Variants in CNTNAP4 observed in about 807,000 individuals in gnomAD.
CNTNAP4 encodes the protein contactin-associated protein-like 4.
CNTNAP4 carries 98 observed loss-of-function variants against 148.4 expected under a neutral mutation model. The ratio of observed to expected loss-of-function variants is 0.66; its 90% CI spans 0.56 to 0.78. The LOEUF is 0.78. Among genes scored for constraint, CNTNAP4 ranks in the 30% least tolerant of loss-of-function variants. The pLI is 0.00. For missense variants in CNTNAP4, 1,935 were observed against 1,565.6 expected, an observed-to-expected ratio of 1.24 and a Z score of -3.98; for synonymous variants, 730 against 565.1, an observed-to-expected ratio of 1.29 and a Z score of -4.14.
chr16:76,340,723 C>T (rs970329862), intron 2 of CNTNAP4, among the ~76,000 whole-genome samples: 3 of 152,224 alleles, frequency 2.0e-5, no homozygotes, highest in Non-Finnish European at 2.9e-5. Context: ...TGCTCACTTT[C>T]GTGGCGTTTG....
intron 3 of CNTNAP4, among the ~76,000 whole-genome samples, chr16:76,384,356 A>G (rs1052397398): frequency 6.6e-6 from 1 of 152,084 alleles, no homozygotes; most frequent in Non-Finnish European, 1.5e-5. Context: ...TCCCAGTCTT[A>G]TACAATACAA....
chr16:76,412,547 G>C (rs1420019944), intron 3 of CNTNAP4, among the ~76,000 whole-genome samples: 1 of 151,228 alleles, frequency 6.6e-6, no homozygotes, highest in East Asian at 1.9e-4. Flanking sequence ...GATGTTTATT[G>C]TTACCCTCAT....
At chr16:76,514,572 C>T (rs1473271357) in intron 15 of CNTNAP4, among the ~76,000 whole-genome samples, 1 of 152,064 alleles carries the variant, frequency 6.6e-6, no homozygotes, top group Non-Finnish European at 1.5e-5. Flanking sequence ...ACTGTATGTG[C>T]ATGTGTGGGG....
intron 3 of CNTNAP4, among the ~76,000 whole-genome samples, chr16:76,410,090 G>A (rs1361202882): frequency 7.0e-6 from 1 of 142,718 alleles, no homozygotes; most frequent in Non-Finnish European, 1.6e-5. Context: ...TCTTTTAAGA[G>A]CCAGGATTGT....
intron 2 of CNTNAP4, among the ~76,000 whole-genome samples, chr16:76,330,490 T>G (rs903508264): frequency 6.6e-6 from 1 of 152,216 alleles, no homozygotes; most frequent in African/African-American, 2.4e-5. Context: ...TTGCCTATAC[T>G]GGTGTTTATG....
intron 17 of CNTNAP4, 109 bp from the exon 18 acceptor site, chr16:76,535,436 C>G: frequency 2.7e-6 from 3 of 1,093,334 alleles, no homozygotes; most frequent in South Asian, 3.5e-5. Flanking sequence ...ATTATATTTG[C>G]TCATCCATTT....
At chr16:76,374,331 G>A (rs778259641) in intron 3 of CNTNAP4, among the ~76,000 whole-genome samples, 7 of 152,156 alleles carry the variant, frequency 4.6e-5, no homozygotes, top group African/African-American at 7.2e-5. Flanking sequence ...TTTGTGGAAA[G>A]TTGCAGAAAA....
At chr16:76,364,281 A>T (rs976791179) in intron 3 of CNTNAP4, among the ~76,000 whole-genome samples, 2 of 149,556 alleles carry the variant, frequency 1.3e-5, no homozygotes, top group Non-Finnish European at 3.0e-5. Flanking sequence ...AAATATATGA[A>T]CTCTTATGAG....
chr16:76,448,222 C>G lies in CNTNAP4; in HGVS notation c.742+7C>G. On this transcript the variant is annotated splice_region_variant and intron_variant, in intron 5 of 23. Transcript: ENST00000611870. ...TTTTTACTTATTAATTCAGGTAAAA[C>G]TATTCGGTGAAGTGCTCAAAAATCT... 2 of 1,588,396 alleles carry G rather than the reference C, an allele frequency of 1.3e-6. No homozygotes were observed. The highest frequency in any genetic ancestry group is 1.7e-6 in the Non-Finnish European group (2 of 1,159,364).
At chr16:76,542,727 C>T (rs1015651226) in intron 21 of CNTNAP4, among the ~76,000 whole-genome samples, 1 of 152,160 alleles carries the variant, frequency 6.6e-6, no homozygotes, top group Non-Finnish European at 1.5e-5. Context: ...TGCCACATAA[C>T]TATTGTTATT....
At chr16:76,487,095 G>T (rs7202886) in intron 12 of CNTNAP4, among the ~76,000 whole-genome samples, 150,163 of 152,256 alleles carry the variant, frequency 0.99, 74,085 homozygotes, top group East Asian at 1. Context: ...TCAGGGCCCA[G>T]CACAGTTTCA....
At chr16:76,484,047 CT>C (rs909677139) in intron 12 of CNTNAP4, among the ~76,000 whole-genome samples, 12 of 151,322 alleles carry the variant, frequency 7.9e-5, no homozygotes, top group African/African-American at 2.4e-4. Flanking sequence ...TCAACATTTA[CT>C]TTTTTATATT....
At chr16:76,364,192 C>A (rs959684783) in intron 3 of CNTNAP4, among the ~76,000 whole-genome samples, 2 of 130,478 alleles carry the variant, frequency 1.5e-5, no homozygotes, top group Admixed American at 1.7e-4. Flanking sequence ...AGCTGATATG[C>A]CACTGCATTC....
intron 10 of CNTNAP4, among the ~76,000 whole-genome samples, chr16:76,471,113 C>CGT (rs1429254073): frequency 1.3e-5 from 2 of 151,688 alleles, no homozygotes; most frequent in Non-Finnish European, 2.9e-5. Flanking sequence ...CAAACACACA[C>CGT]ATACACACAC....
At chr16:76,278,842 C>G (rs921983204) in intron 1 of CNTNAP4, among the ~76,000 whole-genome samples, 1 of 152,140 alleles carries the variant, frequency 6.6e-6, no homozygotes, top group Admixed American at 6.5e-5. Flanking sequence ...AAAAACATGA[C>G]AAACTCATGG....
chr16:76,505,075 C>A (rs544242460), intron 15 of CNTNAP4, among the ~76,000 whole-genome samples: 48 of 152,236 alleles, frequency 3.2e-4, no homozygotes, highest in African/African-American at 1.1e-3. Context: ...TAATGTTAAA[C>A]CCACATTTAC....
chr16:76,513,986 A>C (rs1269547650), intron 15 of CNTNAP4, among the ~76,000 whole-genome samples: 1 of 152,068 alleles, frequency 6.6e-6, no homozygotes, highest in East Asian at 1.9e-4. Flanking sequence ...AAATAACTGG[A>C]CTCAAATTTT....
At chr16:76,367,559 C>A (rs144008961) in intron 3 of CNTNAP4, among the ~76,000 whole-genome samples, 74 of 152,292 alleles carry the variant, frequency 4.9e-4, no homozygotes, top group African/African-American at 1.6e-3. Context: ...TTGGTTAAGA[C>A]TGACATTCTG....
chr16:76,455,758 G>C lies in CNTNAP4; in HGVS notation c.1333+2989G>C, dbSNP rs149217703. ...CCTGAGGAATGGCCTAGGTATAATT[G>C]CCTTTTGCACCTTTGCTGAACTCCT... On this transcript the variant is annotated intron_variant, in intron 8 of 23. Transcript: ENST00000611870. Among the ~76,000 whole-genome samples, 1,305 of 152,284 alleles carry C rather than the reference G, an allele frequency of 8.6e-3. 21 individuals carry two copies. The highest frequency in any genetic ancestry group is 0.03 in the African/African-American group (1,267 of 41,566).
Sources: allele counts gnomAD v4.1 joint callset (sites outside exome capture counted in the v4.1 genomes callset), GRCh38; gene constraint gnomAD v4.1.1; transcripts MANE v1.5; gene names NCBI Gene and HGNC (gene_info 2026-07-23, HGNC 2026-07-21).